WDR7: variants seen among roughly 807,000 people sequenced by gnomAD.
The protein encoded by WDR7 is WD repeat-containing protein 7.
Under a neutral mutation model 169.4 loss-of-function variants are expected in WDR7, and 46 were observed. That is an observed-to-expected ratio of 0.27 (90% CI 0.21 to 0.35). The LOEUF is 0.35. Among genes scored for constraint, WDR7 ranks in the 10% least tolerant of loss-of-function variants. The probability of loss-of-function intolerance (pLI) is 1.00; values close to 1 mark genes in which losing one functional copy is unlikely to be tolerated. For missense variants in WDR7, 1,534 were observed against 1,859.3 expected (o/e 0.83, Z 3.22); for synonymous variants, 612 against 666.8 (o/e 0.92, Z 1.27).
intron 20 of WDR7, among the ~76,000 whole-genome samples, chr18:56,843,979 C>T (rs1327974108): frequency 6.6e-6 from 1 of 151,464 alleles, no homozygotes; most frequent in Non-Finnish European, 1.5e-5. Context: ...TGTCCTGCCT[C>T]AGCCTCCTGA....
At chr18:56,678,208 T>C (rs492537) in intron 2 of WDR7, among the ~76,000 whole-genome samples, 139,711 of 152,216 alleles carry the variant, frequency 0.92, 65,293 homozygotes, top group East Asian at 1. Flanking sequence ...AAACAGAGAA[T>C]TCAAACCCTA....
intron 19 of WDR7, among the ~76,000 whole-genome samples, chr18:56,794,007 T>G (rs968788522): frequency 6.6e-6 from 1 of 152,154 alleles, no homozygotes; most frequent in African/African-American, 2.4e-5. Flanking sequence ...TTAGGATGAT[T>G]TGTTAAATGA....
intron 14 of WDR7, among the ~76,000 whole-genome samples, chr18:56,746,110 C>G (rs1405549868): frequency 6.6e-6 from 1 of 152,136 alleles, no homozygotes; most frequent in African/African-American, 2.4e-5. Flanking sequence ...TCAGTTATCT[C>G]AGGGAGACAG....
intron 26 of WDR7, among the ~76,000 whole-genome samples, chr18:56,994,727 G>A (rs990620624): frequency 6.6e-6 from 1 of 152,142 alleles, no homozygotes; most frequent in African/African-American, 2.4e-5. Context: ...ATACCCTGTA[G>A]TGATCATTAT....
intron 20 of WDR7, among the ~76,000 whole-genome samples, chr18:56,862,604 CCT>C (rs1212881428): frequency 2.0e-5 from 3 of 151,174 alleles, no homozygotes; most frequent in Non-Finnish European, 3.0e-5. Flanking sequence ...AAAATAAAAC[CCT>C]GTCTTGATAA....
chr18:56,944,400 C>T (rs2047074748), intron 25 of WDR7, among the ~76,000 whole-genome samples: 1 of 152,066 alleles, frequency 6.6e-6, no homozygotes, highest in African/African-American at 2.4e-5. Flanking sequence ...AGTTATTTAT[C>T]AGGTTGCAAA....
chr18:56,828,015 G>A (rs1272225009), intron 20 of WDR7, among the ~76,000 whole-genome samples: 1 of 152,182 alleles, frequency 6.6e-6, no homozygotes, highest in Non-Finnish European at 1.5e-5. Context: ...TCATCCTTAA[G>A]TGATTTGCTT....
intron 20 of WDR7, among the ~76,000 whole-genome samples, chr18:56,841,253 A>G (rs1865935): frequency 3.0e-4 from 45 of 151,534 alleles, no homozygotes; most frequent in Non-Finnish European, 5.9e-4. Flanking sequence ...TTAGAAATAA[A>G]GGGAATGGCT....
intron 14 of WDR7, among the ~76,000 whole-genome samples, chr18:56,748,080 G>C (rs72931214): frequency 0.023 from 3,543 of 152,044 alleles, 41 homozygotes; most frequent in Non-Finnish European, 0.033. Context: ...TCCTTCACTT[G>C]GTGTAAACTA....
At chr18:56,753,434 G>A (rs2043825306) in intron 14 of WDR7, 2 of 152,304 alleles carry the variant, frequency 1.3e-5, no homozygotes, top group African/African-American at 4.8e-5. Context: ...ATTTTGAAAT[G>A]TTCCTGTAGA....
chr18:56,817,437 A>G (rs1452655692), intron 20 of WDR7, among the ~76,000 whole-genome samples: 7 of 152,082 alleles, frequency 4.6e-5, no homozygotes, highest in Non-Finnish European at 1.0e-4. Flanking sequence ...TTACTGTTAC[A>G]TGGGAAGAAG....
intron 14 of WDR7, among the ~76,000 whole-genome samples, chr18:56,735,306 G>A (rs1039376791): frequency 6.6e-6 from 1 of 152,120 alleles, no homozygotes; most frequent in African/African-American, 2.4e-5. Context: ...CCAAAACCCG[G>A]CTGAGGGGAG....
intron 12 of WDR7, among the ~76,000 whole-genome samples, chr18:56,704,675 C>A (rs1265135340): frequency 6.7e-6 from 1 of 150,038 alleles, no homozygotes; most frequent in Non-Finnish European, 1.5e-5. Flanking sequence ...AAGGGACTGG[C>A]AGTGAGAGGC....
chr18:56,731,109 A>G (rs1280757784), intron 13 of WDR7, among the ~76,000 whole-genome samples: 2 of 152,172 alleles, frequency 1.3e-5, no homozygotes, highest in Admixed American at 6.5e-5. Context: ...GGAGGTAGAA[A>G]GAGTGGAAAA....
intron 13 of WDR7, among the ~76,000 whole-genome samples, chr18:56,723,189 C>T (rs950617187): frequency 2.0e-5 from 3 of 151,272 alleles, no homozygotes; most frequent in African/African-American, 7.3e-5. Flanking sequence ...TCACTTGGAA[C>T]ATTGCTTTTT....
At chr18:56,947,689 C>T (rs188596162) in intron 25 of WDR7, among the ~76,000 whole-genome samples, 2 of 152,306 alleles carry the variant, frequency 1.3e-5, no homozygotes, top group East Asian at 3.9e-4. Flanking sequence ...TCAATGCTGA[C>T]TGGTGTTACA....
chr18:56,718,243 G>T, intron 13 of WDR7, 84 bp downstream of exon 13: 1 of 1,328,626 alleles, frequency 7.5e-7, no homozygotes, highest in East Asian at 2.5e-5. Flanking sequence ...TTTATATGAA[G>T]AAAAAAGGCT....
rs2048407986 is a variant in WDR7 at position 57,028,993 on chromosome 18, G to A, written c.*1786G>A. 6.6e-6 allele frequency: 1 copy of A among 152,620 alleles called. No homozygotes were observed. Among genetic ancestry groups the A allele is most frequent in the Non-Finnish European group, 1.5e-5 (1 of 68,044 alleles). 9.5% of individuals were successfully genotyped at this position (152,620 alleles called of 1,614,324 possible). A position where few individuals can be genotyped will look rare whatever the true frequency, so the allele number is the denominator to read the frequency against. ...ATAGCTAGAGAAATGTAAGGTAAAA[G>A]GCTCACTTTGTTTTCCAGTGGGTCC... On this transcript the variant is annotated 3_prime_UTR_variant, in exon 28 of 28. Transcript: ENST00000254442.
Position 56,681,391 on chromosome 18 carries a change from G to T in WDR7, c.345G>T (p.Gln115His). The change falls in exon 4 of 28, where the codon CAG (glutamine) becomes CAT (histidine). Residue 115 changes from glutamine to histidine, a missense_variant and splice_region_variant. By Grantham distance (24) the Gln-to-His change is conservative. Transcript: ENST00000254442. ...TKLACTHTGIQFYQFSVGNQR... is the reference protein window; with the variant it reads ...TKLACTHTGIHFYQFSVGNQR... The stretch of plus-strand genomic sequence containing the variant: ...TAGCTTGCACACATACTGGCATACA[G>T]GTTAGTTTCTATTTCTGTGACTCTA... 6.4e-7 allele frequency: 1 copy of T among 1,566,548 alleles called. No homozygotes were observed. The highest frequency in any genetic ancestry group is 2.4e-5 in the East Asian group (1 of 42,094).
Sources: allele counts gnomAD v4.1 joint callset (sites outside exome capture counted in the v4.1 genomes callset), GRCh38; gene constraint gnomAD v4.1.1; transcripts MANE v1.5; gene names NCBI Gene and HGNC (gene_info 2026-07-23, HGNC 2026-07-21).